Variants in LHFPL3 observed in about 807,000 individuals in gnomAD.
LHFPL3 encodes LHFPL tetraspan subfamily member 3 protein.
A neutral mutation model predicts 19.3 loss-of-function variants in LHFPL3; 5 were observed. That is an observed-to-expected ratio of 0.26 (90% confidence interval 0.14 to 0.54). The LOEUF is 0.54. Ranked by LOEUF, LHFPL3 falls within the 20% of genes least tolerant of loss-of-function variation. The pLI, the probability that LHFPL3 is intolerant of heterozygous loss-of-function variation, is 0.94. For synonymous variants in LHFPL3, 133 were observed against 126.2 expected (o/e 1.05, Z -0.36); for missense variants, 249 against 307.4 (o/e 0.81, Z 1.42).
intron 1 of LHFPL3, among the ~76,000 whole-genome samples, chr7:104,449,622 A>C (rs62485098): frequency 0.014 from 2,207 of 152,288 alleles, 24 homozygotes; most frequent in Non-Finnish European, 0.024. Context: ...CTTATATCTC[A>C]GTGTGTCTTT....
intron 1 of LHFPL3, among the ~76,000 whole-genome samples, chr7:104,372,354 C>A (rs1286418099): frequency 6.6e-6 from 1 of 152,162 alleles, no homozygotes; most frequent in Non-Finnish European, 1.5e-5. Flanking sequence ...CCAACAGGAG[C>A]AGTGAATCTA....
chr7:104,465,863 C>T (rs187925799), intron 1 of LHFPL3, among the ~76,000 whole-genome samples: 3 of 152,114 alleles, frequency 2.0e-5, no homozygotes, highest in Non-Finnish European at 2.9e-5. Context: ...TGTTTGATTC[C>T]GTTGTAATTG....
At chr7:104,407,152 G>T (rs113685593) in intron 1 of LHFPL3, among the ~76,000 whole-genome samples, 3,386 of 152,278 alleles carry the variant, frequency 0.022, 47 homozygotes, top group Non-Finnish European at 0.034. Context: ...CTTTCTTTAA[G>T]TTATTCTCAC....
rs190014944 is a variant in LHFPL3, at chr7:104,424,228, T to C, written c.445+95004T>C. Among the ~76,000 whole-genome samples, 3 of 152,354 alleles carry C rather than the reference T, an allele frequency of 2.0e-5. No individual in the cohort carries two copies. The East Asian group carries it at 5.8e-4, about 29-fold the overall frequency. The stretch of plus-strand genomic sequence containing the variant: ...TATTATCAAGAAATTGGTTTTCTGA[T>C]TGACTTGTCTCTTGATAGGCACTTG... On this transcript the variant is annotated intron_variant, in intron 1 of 2. Transcript: ENST00000424859.
intron 1 of LHFPL3, among the ~76,000 whole-genome samples, chr7:104,395,813 C>T (rs568513666): frequency 6.6e-6 from 1 of 152,280 alleles, no homozygotes; most frequent in African/African-American, 2.4e-5. Flanking sequence ...TCTTTATTTT[C>T]TAACGTTTAT....
At chr7:104,379,243 G>A (rs562481946) in intron 1 of LHFPL3, among the ~76,000 whole-genome samples, 1 of 152,232 alleles carries the variant, frequency 6.6e-6, no homozygotes, top group Non-Finnish European at 1.5e-5. Flanking sequence ...TACCGTTTCA[G>A]GACGGAGTCA....
intron 2 of LHFPL3, chr7:104,798,368 G>A (rs1790173854): frequency 1.3e-5 from 2 of 152,104 alleles, no homozygotes; most frequent in African/African-American, 4.8e-5. Context: ...TCATGTAAAT[G>A]ATTATTTAGG....
intron 1 of LHFPL3, among the ~76,000 whole-genome samples, chr7:104,697,319 T>G (rs756493597): frequency 1.6e-4 from 24 of 152,326 alleles, no homozygotes; most frequent in Admixed American, 3.9e-4. Context: ...GAGCAAAGAT[T>G]TATTAAACAA....
intron 1 of LHFPL3, among the ~76,000 whole-genome samples, chr7:104,659,644 A>C (rs558246822): frequency 1.3e-5 from 2 of 152,324 alleles, no homozygotes; most frequent in South Asian, 4.1e-4. Context: ...CAACACAAAA[A>C]TTAAAGCCAT....
At chr7:104,515,870 A>G (rs1257426468) in intron 1 of LHFPL3, among the ~76,000 whole-genome samples, 1 of 152,078 alleles carries the variant, frequency 6.6e-6, no homozygotes, top group Non-Finnish European at 1.5e-5. Flanking sequence ...TCTTCTAGGA[A>G]GTTCCAAACT....
intron 2 of LHFPL3, among the ~76,000 whole-genome samples, chr7:104,754,230 A>C (rs147676903): frequency 6.6e-6 from 1 of 152,238 alleles, no homozygotes; most frequent in African/African-American, 2.4e-5. Context: ...GCTTAATAAA[A>C]AAAAGAAACA....
intron 2 of LHFPL3, among the ~76,000 whole-genome samples, chr7:104,838,722 G>A (rs1224868033): frequency 6.6e-6 from 1 of 152,172 alleles, no homozygotes; most frequent in Non-Finnish European, 1.5e-5. Context: ...TGTGGCTTTT[G>A]AGTGCTTGAA....
chr7:104,433,953 G>A (rs1000227621), intron 1 of LHFPL3, among the ~76,000 whole-genome samples: 4 of 152,118 alleles, frequency 2.6e-5, no homozygotes, highest in Non-Finnish European at 4.4e-5. Context: ...ATATACTAAT[G>A]TAAAGCATGG....
chr7:104,410,279 C>T (rs1175733553), intron 1 of LHFPL3, among the ~76,000 whole-genome samples: 1 of 152,132 alleles, frequency 6.6e-6, no homozygotes, highest in African/African-American at 2.4e-5. Flanking sequence ...ATTACAAGCG[C>T]CTGCCACCAC....
rs571553549 is a variant in LHFPL3 at position 104,422,255 on chromosome 7, C to T, written c.445+93031C>T. Among the ~76,000 whole-genome samples the T allele has an allele frequency of 6.6e-5, 10 of 152,162 alleles. No homozygotes were observed. In the South Asian group the frequency reaches 1.9e-3, roughly 28 times the overall value. ...ATGTGCCTGTAGTCCCAGCTATTTGCGAGGCTGAGGCAGGAGAATCACTTG... is the reference window on the plus strand; with the variant it reads ...ATGTGCCTGTAGTCCCAGCTATTTGTGAGGCTGAGGCAGGAGAATCACTTG... On this transcript the variant is annotated intron_variant, in intron 1 of 2. Transcript: ENST00000424859.
intron 1 of LHFPL3, among the ~76,000 whole-genome samples, chr7:104,563,572 GC>G (rs1474581498): frequency 2.0e-5 from 3 of 152,200 alleles, no homozygotes; most frequent in Non-Finnish European, 4.4e-5. Flanking sequence ...ACTGACCTGC[GC>G]CCACTGTCTG....
intron 2 of LHFPL3, among the ~76,000 whole-genome samples, chr7:104,900,066 A>G (rs1792453314): frequency 6.6e-6 from 1 of 152,208 alleles, no homozygotes; most frequent in African/African-American, 2.4e-5. Flanking sequence ...AAATGCACTA[A>G]GAGTCAAGGA....
At chr7:104,495,772 C>T (rs1348241966) in intron 1 of LHFPL3, among the ~76,000 whole-genome samples, 1 of 152,182 alleles carries the variant, frequency 6.6e-6, no homozygotes, top group Non-Finnish European at 1.5e-5. Flanking sequence ...ATTCTCTCAC[C>T]TCAACCCCCT....
intron 2 of LHFPL3, chr7:104,757,503 C>T (rs1794306743): frequency 6.6e-6 from 1 of 151,872 alleles, no homozygotes; most frequent in Admixed American, 6.6e-5. Flanking sequence ...ACTTAAACAA[C>T]TCAACAAACA....
Sources: gnomAD v4.1 joint callset for allele counts (sites outside exome capture counted in the v4.1 genomes callset) on GRCh38, gnomAD v4.1.1 for gene constraint, MANE v1.5 for transcripts, NCBI Gene and HGNC (gene_info 2026-07-23, HGNC 2026-07-21) for gene names.